The following DNAH11 variants were observed in gnomAD, a reference collection of about 807,000 sequenced individuals.
DNAH11 encodes axonemal beta dynein heavy chain 11.
DNAH11 carries 442 observed loss-of-function variants against 526.0 expected under a neutral mutation model. The ratio of observed to expected loss-of-function variants is 0.84; its 90% CI spans 0.78 to 0.91. The LOEUF (loss-of-function observed/expected upper bound fraction) is 0.91, where lower values mean the gene tolerates loss of function less well. Among genes scored for constraint, DNAH11 ranks in the 40% least tolerant of loss-of-function variants. The pLI, the probability that DNAH11 is intolerant of heterozygous loss-of-function variation, is 0.00. For synonymous variants in DNAH11, 2,461 were observed against 1,935.9 expected (o/e 1.27, Z -7.12); for missense variants, 6,989 against 5,448.7 (o/e 1.28, Z -8.90).
At chr7:21,843,728 C>T (rs1183107124) in intron 66 of DNAH11, among the ~76,000 whole-genome samples, 1 of 152,054 alleles carries the variant, frequency 6.6e-6, no homozygotes, top group African/African-American at 2.4e-5. Context: ...ATCCTCCAGC[C>T]TCAGCCTCCC....
chr7:21,861,868 T>C lies in DNAH11; in HGVS notation c.11218T>C (p.Phe3740Leu). 6.2e-7 allele frequency: 1 copy of C among 1,612,790 alleles called. No homozygotes were observed. The highest frequency in any genetic ancestry group is 8.5e-7 in the Non-Finnish European group (1 of 1,179,468). ...QFSLKAFNVL[F>L]HRAIEQADKV... is the part of the protein sequence containing the mutation. ...AATTTCCCAGGCTTTTAACGTGCTGTTCCACAGAGCGATCGAGCAGGCTGA... is the reference window on the plus strand; with the variant it reads ...AATTTCCCAGGCTTTTAACGTGCTGCTCCACAGAGCGATCGAGCAGGCTGA... The change falls in exon 69 of 82, where the codon TTC (phenylalanine) becomes CTC (leucine). Residue 3740 changes from phenylalanine to leucine, a missense_variant. Physicochemically the swap from Phe to Leu is conservative, Grantham distance 22. Coordinates refer to ENST00000409508, the MANE Select transcript of DNAH11 (RefSeq NM_001277115.2).
chr7:21,825,856 G>T (rs1014569264), intron 65 of DNAH11, among the ~76,000 whole-genome samples: 5 of 152,034 alleles, frequency 3.3e-5, no homozygotes, highest in African/African-American at 1.2e-4. Flanking sequence ...CTACTCGGGA[G>T]GCTGAGGCAG....
chr7:21,857,886 A>C (rs1410643111), intron 68 of DNAH11, among the ~76,000 whole-genome samples: 1 of 152,190 alleles, frequency 6.6e-6, no homozygotes, highest in Non-Finnish European at 1.5e-5. Context: ...GGTTAGGCAA[A>C]GATTTCTTAG....
intron 56 of DNAH11, among the ~76,000 whole-genome samples, chr7:21,775,859 C>T (rs966464122): frequency 6.6e-6 from 1 of 152,120 alleles, no homozygotes; most frequent in Non-Finnish European, 1.5e-5. Flanking sequence ...CTAAACTGAA[C>T]CTGTTGACTT....
chr7:21,775,724 C>T (rs879489556), intron 56 of DNAH11, among the ~76,000 whole-genome samples: 2 of 152,128 alleles, frequency 1.3e-5, no homozygotes, highest in Non-Finnish European at 2.9e-5. Flanking sequence ...TGTCTATCCT[C>T]TTCTGTCTCA....
chr7:21,620,933 C>A (rs1425467775), intron 25 of DNAH11, among the ~76,000 whole-genome samples: 10 of 152,126 alleles, frequency 6.6e-5, no homozygotes, highest in Middle Eastern at 3.4e-3. Flanking sequence ...CATGGTGTAT[C>A]TGTGCCACAT....
intron 63 of DNAH11, among the ~76,000 whole-genome samples, chr7:21,810,282 G>T (rs1365048907): frequency 1.3e-5 from 2 of 152,124 alleles, no homozygotes; most frequent in African/African-American, 4.8e-5. Flanking sequence ...TTCTGTCATA[G>T]AGAATAGAAA....
intron 11 of DNAH11, 107 bp from the exon 12 acceptor site, chr7:21,589,100 TG>T: frequency 1.2e-6 from 1 of 844,822 alleles, no homozygotes; most frequent in Non-Finnish European, 1.7e-6. Flanking sequence ...TTTCTCTTCC[TG>T]GTTGTTTATA....
At chr7:21,664,175 C>T (rs1583574495) in intron 30 of DNAH11, among the ~76,000 whole-genome samples, 1 of 136,878 alleles carries the variant, frequency 7.3e-6, no homozygotes, top group African/African-American at 2.7e-5. Flanking sequence ...TTTATGGTCA[C>T]CTGTCTTTTC....
chr7:21,599,547 C>G (rs1583515806), intron 14 of DNAH11, among the ~76,000 whole-genome samples: 1 of 152,192 alleles, frequency 6.6e-6, no homozygotes, highest in Admixed American at 6.5e-5. Flanking sequence ...AGATAGCAAT[C>G]TTTGTAGAGA....
At chr7:21,648,713 G>A (rs993226177) in intron 28 of DNAH11, among the ~76,000 whole-genome samples, 13 of 152,290 alleles carry the variant, frequency 8.5e-5, no homozygotes, top group African/African-American at 3.1e-4. Context: ...TATATGTTAT[G>A]TATTTACATA....
At chr7:21,781,439 G>A (rs1300635764) in intron 57 of DNAH11, among the ~76,000 whole-genome samples, 1 of 152,198 alleles carries the variant, frequency 6.6e-6, no homozygotes, top group Admixed American at 6.5e-5. Context: ...GTGAAAATTA[G>A]TTCTTCTTCC....
At chr7:21,681,786 T>A in intron 31 of DNAH11, 109 bp downstream of exon 31, 2 of 1,360,894 alleles carry the variant, frequency 1.5e-6, no homozygotes, top group Non-Finnish European at 2.1e-6. Flanking sequence ...TTTGTATGTT[T>A]TAATTAGTCC....
chr7:21,840,259 G>A (rs1268382458), intron 65 of DNAH11, among the ~76,000 whole-genome samples: 1 of 152,138 alleles, frequency 6.6e-6, no homozygotes, highest in Admixed American at 6.5e-5. Flanking sequence ...AATTTTCCCA[G>A]TTGTTCAAAA....
chr7:21,776,935 C>CGT (rs3061429), intron 56 of DNAH11, among the ~76,000 whole-genome samples: 3,065 of 149,764 alleles, frequency 0.02, 53 homozygotes, highest in African/African-American at 0.048. Context: ...TTTATTTGTA[C>CGT]GTGTGTGTGT....
At chr7:21,794,639 T>G (rs1029789581) in intron 61 of DNAH11, among the ~76,000 whole-genome samples, 6 of 152,072 alleles carry the variant, frequency 3.9e-5, no homozygotes, top group African/African-American at 1.4e-4. Context: ...GTGGTGCTGT[T>G]GAACAGCCAC....
At chr7:21,589,829 A>C (rs968090661) in intron 12 of DNAH11, among the ~76,000 whole-genome samples, 1 of 152,174 alleles carries the variant, frequency 6.6e-6, no homozygotes, top group African/African-American at 2.4e-5. Flanking sequence ...TCATCACGTA[A>C]GTTAAGATTT....
At chr7:21,859,854 C>G (rs1263708709) in intron 68 of DNAH11, among the ~76,000 whole-genome samples, 1 of 151,968 alleles carries the variant, frequency 6.6e-6, no homozygotes, top group Non-Finnish European at 1.5e-5. Context: ...CAAGGGGCAT[C>G]CCGAAAGTAC....
At chr7:21,814,150 T>C (rs577656927) in intron 63 of DNAH11, among the ~76,000 whole-genome samples, 1 of 152,176 alleles carries the variant, frequency 6.6e-6, no homozygotes, top group South Asian at 2.1e-4. Context: ...AGAAAAGATA[T>C]ACAAAAAATA....
Sources: allele counts gnomAD v4.1 joint callset (sites outside exome capture counted in the v4.1 genomes callset), GRCh38; gene constraint gnomAD v4.1.1; transcripts MANE v1.5; gene names NCBI Gene and HGNC (gene_info 2026-07-23, HGNC 2026-07-21).